Variants in EEF1A2 observed in about 807,000 individuals in gnomAD.
EEF1A2 encodes the protein eukaryotic translation elongation factor 1 alpha 2, also known as elongation factor 1-alpha 2.
Under a neutral mutation model 39.3 loss-of-function variants are expected in EEF1A2, and 5 were observed. That is an observed-to-expected ratio of 0.13 (90% CI 0.07 to 0.27). The LOEUF (loss-of-function observed/expected upper bound fraction) is 0.27. EEF1A2 is among the 10% of genes least tolerant of loss of function. EEF1A2 has a pLI of 1.00. For synonymous variants in EEF1A2, 287 were observed against 293.7 expected (o/e 0.98, Z 0.23); for missense variants, 218 against 681.4 (o/e 0.32, Z 7.57).
chr20:63,494,725 G>T, intron 4 of EEF1A2, 80 bp downstream of exon 4: 1 of 1,509,970 alleles, frequency 6.6e-7, no homozygotes, highest in African/African-American at 1.4e-5. Flanking sequence ...CGACCTCCCC[G>T]TGCCACCTGC....
rs1254316865 is a variant in EEF1A2, at chr20:63,490,368, G to A, written c.1029+111C>T. ...GCGTGAACCACTGCGCCCAGCCTGA[G>A]GGTCTGGTTTTCTCCCCACGCCAGG... is the stretch of plus-strand genomic sequence containing the variant. On this transcript the variant is annotated intron_variant, in intron 6 of 7. Coordinates refer to ENST00000217182, the MANE Select transcript of EEF1A2 (RefSeq NM_001958.5). 34 of 1,395,540 alleles carry A rather than the reference G, an allele frequency of 2.4e-5. No individual in the cohort carries two copies. The East Asian group carries it at 3.5e-4, about 14-fold the overall frequency. 86.4% of individuals were successfully genotyped at this position (1,395,540 alleles called of 1,614,324 possible).
chr20:63,497,268 T>C lies in EEF1A2; in HGVS notation c.144+352A>G, dbSNP rs1741617. 70,396 of 217,962 alleles carry C rather than the reference T, an allele frequency of 0.32. 12,422 individuals are homozygous for C. The highest frequency in any genetic ancestry group is 0.46 in the African/African-American group (19,879 of 43,376). 13.5% of individuals were successfully genotyped at this position (217,962 alleles called of 1,614,324 possible). ...TAGGACAAGTGAGGGCAGTACCATC[T>C]CCAGCCCCAGCCTTGGCCCTGGGGG... On this transcript the variant is annotated intron_variant, in intron 2 of 7. Coordinates refer to ENST00000217182, the MANE Select transcript of EEF1A2 (RefSeq NM_001958.5). The surrounding 1 kb of genome is among the most constrained non-coding windows in gnomAD (Gnocchi z 7.3).
At position 63,488,430 on chromosome 20, in the gene EEF1A2, G is replaced by GGGGCGGGGGGCGGCGTGT; in HGVS notation, c.1265-23_1265-6dup. On this transcript the variant is annotated splice_polypyrimidine_tract_variant and splice_region_variant and intron_variant, in intron 7 of 7. Transcript: ENST00000217182. Reference sequence around the variant, plus strand: ...TGTCGCGCACGGCGAAGCGGCCTGGGGGGCGGGGGGCGGCGTGTGGGCGGG... The same window carrying GGGGCGGGGGGCGGCGTGT: ...TGTCGCGCACGGCGAAGCGGCCTGGGGGGCGGGGGGCGGCGTGTGGGCGGGGGGCGGCGTGTGGGCGGG... 6.9e-7 allele frequency: 1 copy of GGGGCGGGGGGCGGCGTGT among 1,444,160 alleles called. No individual in the cohort carries two copies. Among genetic ancestry groups the GGGGCGGGGGGCGGCGTGT allele is most frequent in the Non-Finnish European group, 9.1e-7 (1 of 1,100,446 alleles). The allele number at this position is 1,444,160 out of a possible 1,614,324, so 89.5% of individuals were successfully genotyped here. A position where few individuals can be genotyped will look rare whatever the true frequency, so the allele number is the denominator to read the frequency against.
At chr20:63,492,535 A>AT (rs2082392491) in intron 5 of EEF1A2, among the ~76,000 whole-genome samples, 5 of 50,968 alleles carry the variant, frequency 9.8e-5, no homozygotes, top group Non-Finnish European at 1.4e-4. Flanking sequence ...GATGGATGGA[A>AT]GGATGGATGG....
chr20:63,492,815 AGGATGGATGGGACAATGGAT>A (rs2082396575), intron 5 of EEF1A2, among the ~76,000 whole-genome samples: 1 of 130,104 alleles, frequency 7.7e-6, no homozygotes, highest in African/African-American at 3.0e-5. Flanking sequence ...GATAGAGAGA[AGGATGGATGGGACAATGGAT>A]GGATGGATGG....
In EEF1A2 at chr20:63,493,207, G is replaced by T. The variant is rs1600906419; in HGVS notation, c.702C>A (p.Thr234=). Residue 234 remains threonine (T), a synonymous_variant, in exon 5 of 8, where the codon ACC becomes ACA. Coordinates refer to ENST00000217182, the MANE Select transcript of EEF1A2 (RefSeq NM_001958.5). Reference sequence around the variant, plus strand: ...CCGTGGGGCGCGTGGGGGGCAGGATGGTGTCCAGGGCCTCCAGCAGGGACA... The same window carrying T: ...CCGTGGGGCGCGTGGGGGGCAGGATTGTGTCCAGGGCCTCCAGCAGGGACA... ...SGVSLLEALD[T]ILPPTRPTDK... 7.1e-6 allele frequency: 11 copies of T among 1,548,664 alleles called. No individual in the cohort carries two copies. Among genetic ancestry groups the T allele is most frequent in the Non-Finnish European group, 9.6e-6 (11 of 1,145,860 alleles).
chr20:63,497,917 G>T lies in EEF1A2; in HGVS notation c.-71-83C>A. Reference sequence around the variant, plus strand: ...AGCAGAGACTGTCCTGGCACAGGCTGGACAGGCATCCCTGCCCACAAACCA... The same window carrying T: ...AGCAGAGACTGTCCTGGCACAGGCTTGACAGGCATCCCTGCCCACAAACCA... On this transcript the variant is annotated intron_variant, in intron 1 of 7. Coordinates refer to ENST00000217182, the MANE Select transcript of EEF1A2 (RefSeq NM_001958.5). This position sits in a 1 kb window ranked among gnomAD's most constrained non-coding sequence, Gnocchi z 7.3. 9.5e-7 allele frequency: 1 copy of T among 1,054,846 alleles called. No homozygotes were observed. Among genetic ancestry groups the T allele is most frequent in the Non-Finnish European group, 1.3e-6 (1 of 749,672 alleles). The allele number at this position is 1,054,846 out of a possible 1,614,324, so 65.3% of individuals were successfully genotyped here.
At chr20:63,495,163 TG>T in intron 3 of EEF1A2, 62 bp from the exon 4 acceptor site, 2 of 1,566,116 alleles carry the variant, frequency 1.3e-6, no homozygotes, top group Admixed American at 3.4e-5. Flanking sequence ...AGAGCGAGCC[TG>T]GCCCCACCTC....
rs2082399467 is a variant in EEF1A2, at chr20:63,493,258, C to T, written c.651G>A (p.Glu217=). Residue 217 remains glutamate, a synonymous_variant, in exon 5 of 8, where the codon GAG becomes GAA. Coordinates refer to ENST00000217182, the MANE Select transcript of EEF1A2 (RefSeq NM_001958.5). ...CGCCGCTTGCGTTGCCCTCCTTACGCTCCACCTTCCAGCCCTTGAACCACG... is the reference window on the plus strand; with the variant it reads ...CGCCGCTTGCGTTGCCCTCCTTACGTTCCACCTTCCAGCCCTTGAACCACG... ...NMPWFKGWKV[E]RKEGNASGVS... 6.5e-7 allele frequency: 1 copy of T among 1,536,982 alleles called. No homozygotes were observed. Among genetic ancestry groups the T allele is most frequent in the African/African-American group, 1.4e-5 (1 of 72,834 alleles).
At chr20:63,489,576 A>G (rs561119385) in intron 6 of EEF1A2, among the ~76,000 whole-genome samples, 17 of 152,288 alleles carry the variant, frequency 1.1e-4, no homozygotes, top group African/African-American at 3.9e-4. Context: ...TGAGGTCAGG[A>G]GTTCGAGACC....
At chr20:63,492,104 A>AGG (rs2082385545) in intron 5 of EEF1A2, among the ~76,000 whole-genome samples, 1 of 51,308 alleles carries the variant, frequency 1.9e-5, no homozygotes, top group Non-Finnish European at 3.8e-5. Context: ...GTGGATGGGG[A>AGG]GATGGATGGA....
intron 5 of EEF1A2, among the ~76,000 whole-genome samples, chr20:63,492,718 G>GTGGATGGATGGA (rs1183691912): frequency 1.6e-5 from 1 of 61,848 alleles, no homozygotes; most frequent in Non-Finnish European, 3.5e-5. Flanking sequence ...GGATGGAGAG[G>GTGGATGGATGGA]TGGATGGATG....
chr20:63,497,422 C>G lies in EEF1A2; in HGVS notation c.144+198G>C, dbSNP rs896797490. 1.9e-4 allele frequency: 148 copies of G among 768,918 alleles called. No homozygotes were observed. Among genetic ancestry groups the G allele is most frequent in the Non-Finnish European group, 2.7e-4 (140 of 524,906 alleles). 47.6% of individuals were successfully genotyped at this position (768,918 alleles called of 1,614,324 possible). Reference sequence around the variant, plus strand: ...TCCGGCAGCTCGATGGCCACCCCTCCCCCACCAAGCTCCCCCTAAGAGAGA... The same window carrying G: ...TCCGGCAGCTCGATGGCCACCCCTCGCCCACCAAGCTCCCCCTAAGAGAGA... On this transcript the variant is annotated intron_variant, in intron 2 of 7. Transcript: ENST00000217182. The surrounding 1 kb of genome is among the most constrained non-coding windows in gnomAD (Gnocchi z 7.3).
chr20:63,490,847 C>T (rs1600903793), intron 5 of EEF1A2, 112 bp from the exon 6 acceptor site: 3 of 1,343,606 alleles, frequency 2.2e-6, no homozygotes, highest in East Asian at 5.0e-5. Flanking sequence ...ATCCCCCCGA[C>T]AGGCCTGGGG....
chr20:63,496,121 G>A, intron 2 of EEF1A2, 86 bp from the exon 3 acceptor site: 1 of 1,491,792 alleles, frequency 6.7e-7, no homozygotes, highest in Middle Eastern at 1.8e-4. Context: ...CAGCAGAGTG[G>A]CCGCGAGAGG....
At chr20:63,494,595 G>C (rs2082407978) in intron 4 of EEF1A2, among the ~76,000 whole-genome samples, 1 of 152,376 alleles carries the variant, frequency 6.6e-6, no homozygotes, top group East Asian at 1.9e-4. Context: ...CCGCGTGGGA[G>C]GCTGAGTGTA....
At position 63,494,832 on chromosome 20, in the gene EEF1A2, A is replaced by G. The variant is rs310617; in HGVS notation, c.594T>C (p.Gly198=). The change falls in exon 4 of 8, where the codon GGT becomes GGC. Residue 198 remains glycine (G), a synonymous_variant. Transcript: ENST00000217182. ...VPFVPISGWH[G]DNMLEPSPNM... Reference sequence around the variant, plus strand: ...TGGGGGAGGGCTCCAGCATGTTGTCACCGTGCCAGCCGGAGATGGGCACAA... The same window carrying G: ...TGGGGGAGGGCTCCAGCATGTTGTCGCCGTGCCAGCCGGAGATGGGCACAA... The G allele has an allele frequency of 0.57, 926,511 of 1,611,412 alleles. 268,138 individuals are homozygous for G. The highest frequency in any genetic ancestry group is 0.66 in the East Asian group (29,364 of 44,806).
chr20:63,494,665 G>A, intron 4 of EEF1A2, 140 bp downstream of exon 4: 2 of 1,251,192 alleles, frequency 1.6e-6, no homozygotes, highest in Non-Finnish European at 1.1e-6. Flanking sequence ...GCCAGTTAGG[G>A]AAACCCAGCA....
chr20:63,496,510 G>A (rs1321894555), intron 2 of EEF1A2: 1 of 156,256 alleles, frequency 6.4e-6, no homozygotes, highest in African/African-American at 2.4e-5. Context: ...AGGTCAGGAG[G>A]AGGGCCTGGC....
Sources: gnomAD v4.1 joint callset for allele counts (sites outside exome capture counted in the v4.1 genomes callset) on GRCh38, gnomAD v4.1.1 for gene constraint, Gnocchi (gnomAD v3.1) non-coding constraint, MANE v1.5 for transcripts, NCBI Gene and HGNC (gene_info 2026-07-23, HGNC 2026-07-21) for gene names.